The following UGGT2 variants were observed in gnomAD, a reference collection of about 807,000 sequenced individuals.
The protein encoded by UGGT2 is UDP-glucose:glycoprotein glucosyltransferase 2.
In UGGT2, 180 loss-of-function variants were observed where a neutral mutation model predicts 192.1. The ratio of observed to expected loss-of-function variants is 0.94; its 90% CI spans 0.83 to 1.06. The LOEUF is 1.06. Ranked by LOEUF, UGGT2 falls within the 50% of genes least tolerant of loss-of-function variation. UGGT2 has a pLI of 0.00. For missense variants in UGGT2, 1,849 were observed against 1,795.7 expected (o/e 1.03, Z -0.54); for synonymous variants, 580 against 591.0 (o/e 0.98, Z 0.27).
chr13:95,821,645 C>T (rs765279523), intron 38 of UGGT2, among the ~76,000 whole-genome samples: 17 of 151,980 alleles, frequency 1.1e-4, no homozygotes, highest in Non-Finnish European at 1.9e-4. Flanking sequence ...TCTTTGCCTA[C>T]GCCAATGTCC....
At chr13:95,918,617 T>C (rs140945493) in intron 20 of UGGT2, among the ~76,000 whole-genome samples, 69 of 151,982 alleles carry the variant, frequency 4.5e-4, no homozygotes, top group African/African-American at 1.4e-3. Context: ...AGTAGTAAAA[T>C]AGACCACTAG....
At chr13:95,941,425 G>T (rs543485294) in intron 15 of UGGT2, among the ~76,000 whole-genome samples, 1 of 152,136 alleles carries the variant, frequency 6.6e-6, no homozygotes, top group South Asian at 2.1e-4. Context: ...TTCATTTTAC[G>T]AGTTTTTCAA....
chr13:96,011,992 G>T (rs1437098805), intron 5 of UGGT2, among the ~76,000 whole-genome samples: 1 of 152,016 alleles, frequency 6.6e-6, no homozygotes, highest in Non-Finnish European at 1.5e-5. Flanking sequence ...TATCATGCAA[G>T]AACAGCCAAG....
chr13:95,896,083 G>A (rs1239726528), intron 22 of UGGT2, among the ~76,000 whole-genome samples: 2 of 152,040 alleles, frequency 1.3e-5, no homozygotes, highest in African/African-American at 4.8e-5. Context: ...AAACCCTACT[G>A]TAGACTGACA....
chr13:95,941,726 C>G (rs775696400), intron 15 of UGGT2, among the ~76,000 whole-genome samples: 2 of 152,080 alleles, frequency 1.3e-5, no homozygotes, highest in South Asian at 4.2e-4. Context: ...TATTTTGTAA[C>G]TTGGTAAGCA....
chr13:95,902,777 T>A, intron 21 of UGGT2, 77 bp downstream of exon 21: 3 of 1,359,498 alleles, frequency 2.2e-6, no homozygotes, highest in Non-Finnish European at 3.0e-6. Context: ...TGTTTTTCAG[T>A]AACAATATCT....
chr13:95,948,254 T>C (rs9525095), intron 13 of UGGT2, among the ~76,000 whole-genome samples, 173 bp from the exon 14 acceptor site: 49,845 of 141,672 alleles, frequency 0.35, 9,165 homozygotes, highest in East Asian at 0.45. Context: ...CACACACACA[T>C]ATAAAGGATT....
At chr13:96,010,538 C>T (rs2052128107) in intron 5 of UGGT2, among the ~76,000 whole-genome samples, 1 of 151,902 alleles carries the variant, frequency 6.6e-6, no homozygotes, top group Admixed American at 6.6e-5. Flanking sequence ...TCAACATTGA[C>T]TAGAAGTCTT....
chr13:95,981,818 C>T (rs2051135357), intron 10 of UGGT2, among the ~76,000 whole-genome samples: 1 of 152,314 alleles, frequency 6.6e-6, no homozygotes, highest in East Asian at 1.9e-4. Context: ...CAACCACCCT[C>T]TTCCCCAAGG....
intron 38 of UGGT2, among the ~76,000 whole-genome samples, chr13:95,816,023 T>C (rs1884852639): frequency 6.6e-6 from 1 of 152,194 alleles, no homozygotes; most frequent in Admixed American, 6.6e-5. Context: ...GTAAGACACC[T>C]GCTCCTGCTT....
At chr13:95,951,738 A>T (rs1050502071) in intron 12 of UGGT2, among the ~76,000 whole-genome samples, 2 of 152,236 alleles carry the variant, frequency 1.3e-5, no homozygotes, top group African/African-American at 4.8e-5. Flanking sequence ...ATTTCACTGA[A>T]CATGGTATAA....
At chr13:95,865,110 T>C (rs1890530744) in intron 30 of UGGT2, among the ~76,000 whole-genome samples, 1 of 152,152 alleles carries the variant, frequency 6.6e-6, no homozygotes, top group African/African-American at 2.4e-5. Flanking sequence ...TATGGGCCAT[T>C]TTCATTCATT....
At position 95,863,611 on chromosome 13, in the gene UGGT2, A is replaced by G; in HGVS notation, c.3644+18T>C. 1 of 1,576,554 alleles carries G rather than the reference A, an allele frequency of 6.3e-7. No individual in the cohort carries two copies. The highest frequency in any genetic ancestry group is 2.2e-5 in the East Asian group (1 of 44,532). ...TGGATCAATCTAGTGATGTATTAAA[A>G]TATTCATTAGTAATTACCTTTTAAT... is the stretch of plus-strand genomic sequence containing the variant. On this transcript the variant is annotated intron_variant, in intron 31 of 38. Transcript: ENST00000376747.
At chr13:96,052,388 G>C (rs1010120183) in intron 1 of UGGT2, among the ~76,000 whole-genome samples, 6 of 151,746 alleles carry the variant, frequency 4.0e-5, no homozygotes, top group Admixed American at 1.3e-4. Flanking sequence ...TGGGGTGATG[G>C]GTGTACCAAA....
chr13:95,919,538 T>C (rs2048782533), intron 20 of UGGT2, among the ~76,000 whole-genome samples: 1 of 152,166 alleles, frequency 6.6e-6, no homozygotes, highest in Admixed American at 6.5e-5. Context: ...ACAAAATCAA[T>C]GTGCAAAAAT....
chr13:95,895,644 A>T (rs1215637070), intron 22 of UGGT2, among the ~76,000 whole-genome samples: 1 of 152,036 alleles, frequency 6.6e-6, no homozygotes, highest in Non-Finnish European at 1.5e-5. Flanking sequence ...ATAAATCATG[A>T]TGCTTCCAAA....
chr13:96,050,623 C>G (rs2053456270), intron 1 of UGGT2, among the ~76,000 whole-genome samples: 1 of 148,324 alleles, frequency 6.7e-6, no homozygotes. Flanking sequence ...AGAACTTAAA[C>G]AAATTTACAA....
At chr13:96,002,014 T>C (rs1480938111) in intron 5 of UGGT2, among the ~76,000 whole-genome samples, 2 of 152,264 alleles carry the variant, frequency 1.3e-5, no homozygotes, top group African/African-American at 4.8e-5. Flanking sequence ...GTTTCTGTTA[T>C]CAGTAAGGCA....
At chr13:95,816,159 C>T (rs994654791) in intron 38 of UGGT2, among the ~76,000 whole-genome samples, 12 of 152,134 alleles carry the variant, frequency 7.9e-5, no homozygotes, top group Admixed American at 6.5e-5. Context: ...TACCCAGTCT[C>T]AGGTATTTCT....
Sources: gnomAD v4.1 joint callset for allele counts (sites outside exome capture counted in the v4.1 genomes callset) on GRCh38, gnomAD v4.1.1 for gene constraint, MANE v1.5 for transcripts, NCBI Gene and HGNC (gene_info 2026-07-23, HGNC 2026-07-21) for gene names.